The following DNMT3B variants were observed in gnomAD, a reference collection of about 807,000 sequenced individuals.
DNMT3B encodes DNA (cytosine-5)-methyltransferase 3B.
DNMT3B carries 37 observed loss-of-function variants against 120.2 expected under a neutral mutation model. The observed-to-expected ratio is 0.31, with a 90% CI of 0.24 to 0.40. The LOEUF is 0.40. DNMT3B is among the 10% of genes least tolerant of loss of function. The probability of loss-of-function intolerance (pLI) is 1.00; values close to 1 mark genes in which losing one functional copy is unlikely to be tolerated. For missense variants in DNMT3B, 878 were observed against 1,137.3 expected (o/e 0.77, Z 3.28); for synonymous variants, 412 against 442.8 (o/e 0.93, Z 0.87).
chr20:32,795,530 C>G lies in DNMT3B; in HGVS notation c.1248C>G (p.Ser416Arg), dbSNP rs1248002766. 2 of 1,614,024 alleles carry G rather than the reference C, an allele frequency of 1.2e-6. No individual in the cohort carries two copies. Among genetic ancestry groups the G allele is most frequent in the Non-Finnish European group, 1.7e-6 (2 of 1,180,040 alleles). ...AAGACCGAGGGGATGAAGATCAGAG[C>G]CGAGGTGATTGTTGGGTACCTGGGA... The part of the protein sequence containing the change: ...NGKDRGDEDQ[S>R]REQMASDVAN... Residue 416 changes from serine to arginine, a missense_variant, in exon 11 of 23, where the codon AGC becomes AGG. Ser to Arg is a moderately radical substitution (Grantham distance 110). Around this residue, in one of 4 missense-constraint regions of DNMT3B, gnomAD observed 207 missense variants for 222.6 expected, o/e 0.93. Coordinates refer to ENST00000328111, the MANE Select transcript of DNMT3B (RefSeq NM_006892.4).
rs1235733375 is a variant in DNMT3B at position 32,809,343 on chromosome 20, T to A, written c.*1440T>A. On this transcript the variant is annotated 3_prime_UTR_variant, in exon 23 of 23. Transcript: ENST00000328111. ...GAGTTTACCTTATGTTTAATTAAAA[T>A]CAGTATTTGTCTATAACTGTCTGAT... 1 of 202,324 alleles carries A rather than the reference T, an allele frequency of 4.9e-6. No homozygotes were observed. Among genetic ancestry groups the A allele is most frequent in the East Asian group, 7.6e-5 (1 of 13,166 alleles). 12.5% of individuals were successfully genotyped at this position (202,324 alleles called of 1,614,324 possible). A position where few individuals can be genotyped will look rare whatever the true frequency, so the allele number is the denominator to read the frequency against.
chr20:32,799,462 C>A, intron 16 of DNMT3B, 134 bp downstream of exon 16: 2 of 972,736 alleles, frequency 2.1e-6, no homozygotes, highest in Non-Finnish European at 3.2e-6. Context: ...TGAAAAAAAC[C>A]CTGTCTCCTT....
rs1422403201 is a variant in DNMT3B, at chr20:32,798,638, G to A, written c.1669G>A (p.Glu557Lys). ...CTTCTTCACCAGTGACACGGGGCTT[G>A]AATATGTAAGCCACAGGCTCCCGCC... ...QAFFTSDTGL[E>K]YEAPKLYPAI... Residue 557 changes from glutamate (E) to lysine (K), a missense_variant, in exon 15 of 23, where the codon GAA becomes AAA. Glu to Lys is a moderately conservative substitution (Grantham distance 56, BLOSUM62 1). Transcript: ENST00000328111. 6.2e-7 allele frequency: 1 copy of A among 1,613,524 alleles called. No homozygotes were observed. The highest frequency in any genetic ancestry group is 1.7e-5 in the Admixed American group (1 of 60,020).
intron 13 of DNMT3B, 157 bp downstream of exon 13, chr20:32,797,026 G>C: frequency 2.5e-6 from 4 of 1,609,334 alleles, no homozygotes; most frequent in Non-Finnish European, 3.4e-6. Flanking sequence ...AGCTGTCACA[G>C]AGGCCAATGG....
At position 32,800,323 on chromosome 20, in the gene DNMT3B, G is replaced by A. The variant is rs572094862; in HGVS notation, c.1905+25G>A. On this transcript the variant is annotated intron_variant, in intron 17 of 22. Coordinates refer to ENST00000328111, the MANE Select transcript of DNMT3B (RefSeq NM_006892.4). ...TGTGAGGGCAGTCTGTACCTTGCGG[G>A]CCTCATCTCTTCCTGTCTTTTTCCC... The A allele has an allele frequency of 5.6e-6, 9 of 1,613,762 alleles. No homozygotes were observed. In the South Asian group the frequency reaches 6.6e-5, roughly 12 times the overall value.
intron 1 of DNMT3B, among the ~76,000 whole-genome samples, chr20:32,776,611 C>T (rs925886453): frequency 6.6e-6 from 1 of 152,250 alleles, no homozygotes; most frequent in Admixed American, 6.5e-5. Flanking sequence ...CAGTCTCTGT[C>T]TTGGTTTCTC....
intron 21 of DNMT3B, 44 bp from the exon 22 acceptor site, chr20:32,806,165 C>G: frequency 3.8e-6 from 6 of 1,576,546 alleles, no homozygotes; most frequent in Non-Finnish European, 5.2e-6. Context: ...CTCCCCAGGT[C>G]CCTTCATTCT....
At chr20:32,801,942 A>G (rs1335876610) in intron 19 of DNMT3B, among the ~76,000 whole-genome samples, 1 of 152,178 alleles carries the variant, frequency 6.6e-6, no homozygotes, top group Non-Finnish European at 1.5e-5. Flanking sequence ...GTCAGAAATG[A>G]TGAAACAAAC....
At chr20:32,778,063 G>T (rs901172956) in intron 1 of DNMT3B, among the ~76,000 whole-genome samples, 1 of 152,248 alleles carries the variant, frequency 6.6e-6, no homozygotes, top group Admixed American at 6.5e-5. Flanking sequence ...TTCAGGCCGG[G>T]TGTGGTGGCT....
chr20:32,778,355 ACT>A (rs1405984054), intron 1 of DNMT3B, among the ~76,000 whole-genome samples: 3 of 118,988 alleles, frequency 2.5e-5, no homozygotes, highest in Non-Finnish European at 5.0e-5. Flanking sequence ...ACAGAGGGAG[ACT>A]CTGTCTCAAA....
chr20:32,767,692 C>G (rs1411431351), intron 1 of DNMT3B, among the ~76,000 whole-genome samples: 1 of 152,180 alleles, frequency 6.6e-6, no homozygotes, highest in South Asian at 2.1e-4. Flanking sequence ...CCTCAGTCTC[C>G]GAAAGTGCTG....
chr20:32,773,326 C>T (rs183688691), intron 1 of DNMT3B, among the ~76,000 whole-genome samples: 6 of 152,282 alleles, frequency 3.9e-5, no homozygotes, highest in African/African-American at 1.4e-4. Flanking sequence ...GCCAAGGGCC[C>T]AGCTTCTACT....
At chr20:32,798,437 C>T (rs1478311292) in intron 14 of DNMT3B, 23 bp from the exon 15 acceptor site, 2 of 1,613,998 alleles carry the variant, frequency 1.2e-6, no homozygotes, top group South Asian at 1.1e-5. Flanking sequence ...AAAGGCATCC[C>T]TTCTCCCTGC....
chr20:32,805,237 G>A (rs1056270316), intron 20 of DNMT3B, 101 bp from the exon 21 acceptor site: 16 of 1,410,412 alleles, frequency 1.1e-5, no homozygotes, highest in Admixed American at 3.4e-5. Flanking sequence ...CAAGTTCACT[G>A]CCAGGGCACA....
intron 5 of DNMT3B, 128 bp from the exon 6 acceptor site, chr20:32,787,102 G>C: frequency 1.8e-6 from 2 of 1,125,832 alleles, no homozygotes; most frequent in South Asian, 2.5e-5. Flanking sequence ...TTTCTTCAGC[G>C]GTCTCTGTTC....
intron 16 of DNMT3B, 104 bp downstream of exon 16, chr20:32,799,432 T>G: frequency 7.7e-7 from 1 of 1,300,268 alleles, no homozygotes; most frequent in Middle Eastern, 1.8e-4. Context: ...GCAAGAAAGG[T>G]CCCTGGGGAT....
At chr20:32,793,510 GTT>G in intron 9 of DNMT3B, 24 bp from the exon 10 acceptor site, 1 of 1,610,866 alleles carries the variant, frequency 6.2e-7, no homozygotes, top group Non-Finnish European at 8.5e-7. Context: ...TGTTTTTTCT[GTT>G]TTGTTTTGTT....
Position 32,762,650 on chromosome 20 carries a change from C to G in DNMT3B, c.-56C>G, listed in dbSNP as rs1231921211. 9 of 237,002 alleles carry G rather than the reference C, an allele frequency of 3.8e-5. No homozygotes were observed. Among genetic ancestry groups the G allele is most frequent in the Non-Finnish European group, 7.6e-5 (9 of 117,742 alleles). 14.7% of individuals were successfully genotyped at this position (237,002 alleles called of 1,614,324 possible). Reference sequence around the variant, plus strand: ...CCAGCCGGCCTCCCGCCAGCCAGCCCCGACCCGCGGCTCCGCCGCCCAGCC... The same window carrying G: ...CCAGCCGGCCTCCCGCCAGCCAGCCGCGACCCGCGGCTCCGCCGCCCAGCC... On this transcript the variant is annotated 5_prime_UTR_variant, in exon 1 of 23. Transcript: ENST00000328111.
At position 32,784,743 on chromosome 20, in the gene DNMT3B, T is replaced by C. The variant is rs1388528051; in HGVS notation, c.205-15T>C. The C allele has an allele frequency of 6.2e-7, 1 of 1,613,990 alleles. No individual in the cohort carries two copies. Among genetic ancestry groups the C allele is most frequent in the South Asian group, 1.1e-5 (1 of 91,058 alleles). ...CCTGGGGTCTTCATCATGTTCATCA[T>C]GTTTCCTTATAAAGGACTTGACAGG... On this transcript the variant is annotated splice_polypyrimidine_tract_variant and intron_variant, in intron 3 of 22. Coordinates refer to ENST00000328111, the MANE Select transcript of DNMT3B (RefSeq NM_006892.4).
Sources: allele counts gnomAD v4.1 joint callset (sites outside exome capture counted in the v4.1 genomes callset), GRCh38; gene constraint gnomAD v4.1.1; regional missense constraint gnomAD v4.1.1; transcripts MANE v1.5; gene names NCBI Gene and HGNC (gene_info 2026-07-23, HGNC 2026-07-21).